RNF216: variants seen among roughly 807,000 people sequenced by gnomAD.
The protein encoded by RNF216 is E3 ubiquitin-protein ligase RNF216.
Under a neutral mutation model 110.8 loss-of-function variants are expected in RNF216, and 72 were observed. The ratio of observed to expected loss-of-function variants is 0.65; its 90% CI spans 0.54 to 0.79. The LOEUF is 0.79. Among genes scored for constraint, RNF216 ranks in the 30% least tolerant of loss-of-function variants. The pLI is 0.00. For missense variants in RNF216, 1,342 were observed against 1,141.2 expected (o/e 1.18, Z -2.54); for synonymous variants, 495 against 407.5 (o/e 1.21, Z -2.59).
At chr7:5,718,589 C>T (rs1402747578) in intron 9 of RNF216, among the ~76,000 whole-genome samples, 3 of 149,492 alleles carry the variant, frequency 2.0e-5, no homozygotes, top group Non-Finnish European at 4.4e-5. Flanking sequence ...CTTTGTTGCC[C>T]AGGCTGGAGT....
At chr7:5,650,337 A>G (rs1350158137) in intron 14 of RNF216, among the ~76,000 whole-genome samples, 1 of 152,198 alleles carries the variant, frequency 6.6e-6, no homozygotes, top group Non-Finnish European at 1.5e-5. Flanking sequence ...TGTGTGGCAG[A>G]CCAAGACGCT....
intron 16 of RNF216, 121 bp from the exon 17 acceptor site, chr7:5,623,300 A>G: frequency 1.3e-6 from 1 of 772,008 alleles, no homozygotes. Flanking sequence ...TCAAAGCACA[A>G]AACGTGGACA....
intron 14 of RNF216, among the ~76,000 whole-genome samples, chr7:5,643,897 G>A (rs1269022092): frequency 6.6e-6 from 1 of 152,154 alleles, no homozygotes; most frequent in Non-Finnish European, 1.5e-5. Context: ...CCATTCTGAG[G>A]CTAGGCAAAT....
chr7:5,753,384 G>C (rs1035226017), intron 2 of RNF216, among the ~76,000 whole-genome samples: 1 of 152,070 alleles, frequency 6.6e-6, no homozygotes, highest in Admixed American at 6.6e-5. Flanking sequence ...TCAAAAAATA[G>C]TAAAATTTTA....
At chr7:5,675,200 T>C (rs555061680) in intron 13 of RNF216, among the ~76,000 whole-genome samples, 16 of 152,242 alleles carry the variant, frequency 1.1e-4, no homozygotes, top group Middle Eastern at 3.2e-3. Flanking sequence ...GTCTGTTGTA[T>C]GCTAGTTACT....
intron 13 of RNF216, among the ~76,000 whole-genome samples, chr7:5,687,602 C>A (rs753760347): frequency 6.6e-6 from 1 of 152,050 alleles, no homozygotes; most frequent in African/African-American, 2.4e-5. Context: ...AGCCTCTCTG[C>A]CTGCCCCTTG....
intron 15 of RNF216, among the ~76,000 whole-genome samples, chr7:5,633,683 G>T (rs536930200): frequency 6.6e-6 from 1 of 152,282 alleles, no homozygotes; most frequent in East Asian, 1.9e-4. Flanking sequence ...TCAGCAGGGC[G>T]CAGAAAGAAC....
At chr7:5,770,932 A>G (rs746536249) in intron 1 of RNF216, among the ~76,000 whole-genome samples, 8 of 151,696 alleles carry the variant, frequency 5.3e-5, no homozygotes, top group Non-Finnish European at 1.2e-4. Flanking sequence ...TTCAGCCTCC[A>G]GAGTTGCTGG....
intron 13 of RNF216, among the ~76,000 whole-genome samples, chr7:5,708,239 T>C (rs1792425551): frequency 6.6e-6 from 1 of 152,258 alleles, no homozygotes; most frequent in Admixed American, 6.5e-5. Flanking sequence ...ATATTTTGTA[T>C]GTGTCTGTTA....
At position 5,686,376 on chromosome 7, in the gene RNF216, A is replaced by C. The variant is rs563604607; in HGVS notation, c.2061+25385T>G. Among the ~76,000 whole-genome samples the C allele has an allele frequency of 8.5e-5, 13 of 152,228 alleles. No homozygotes were observed. In the East Asian group the frequency reaches 2.5e-3, roughly 29 times the overall value. On this transcript the variant is annotated intron_variant, in intron 13 of 16. Transcript: ENST00000389902. Reference sequence around the variant, plus strand: ...CATTTGCTTCTCACAACCACCCTGAAGGGGGCTGGGACAGAAAACAGGATC... The same window carrying C: ...CATTTGCTTCTCACAACCACCCTGACGGGGGCTGGGACAGAAAACAGGATC...
intron 3 of RNF216, among the ~76,000 whole-genome samples, chr7:5,747,972 C>G (rs1290407490): frequency 6.6e-6 from 1 of 151,922 alleles, no homozygotes; most frequent in Admixed American, 6.6e-5. Flanking sequence ...AAACAAAAAT[C>G]ACCTATGAGG....
chr7:5,757,539 A>G (rs1362981016), intron 2 of RNF216, among the ~76,000 whole-genome samples: 1 of 152,226 alleles, frequency 6.6e-6, no homozygotes, highest in Non-Finnish European at 1.5e-5. Context: ...ATGAGTAGGT[A>G]AAAACACTAT....
Position 5,725,423 on chromosome 7 carries a change from T to C in RNF216, c.1405A>G (p.Ile469Val), listed in dbSNP as rs1225278715. 6.2e-7 allele frequency: 1 copy of C among 1,610,536 alleles called. No homozygotes were observed. Among genetic ancestry groups the C allele is most frequent in the South Asian group, 1.1e-5 (1 of 90,984 alleles). ...AITRKALSDA[I>V]KKWQELSPET... The stretch of plus-strand genomic sequence containing the variant: ...GGTGACAGCTCCTGCCATTTTTTAA[T>C]GGCATCAGACAAGGCCTAAAAATTG... The change falls in exon 8 of 17, where the codon ATT becomes GTT. Residue 469 changes from isoleucine to valine, a missense_variant. Coordinates refer to ENST00000389902, the MANE Select transcript of RNF216 (RefSeq NM_207111.4).
chr7:5,778,540 A>T (rs773954480), intron 1 of RNF216, among the ~76,000 whole-genome samples: 7 of 152,178 alleles, frequency 4.6e-5, no homozygotes, highest in Non-Finnish European at 8.8e-5. Context: ...GTGTCACTTG[A>T]TCCCAAAGCC....
At chr7:5,684,388 C>T (rs956537467) in intron 13 of RNF216, among the ~76,000 whole-genome samples, 4 of 151,174 alleles carry the variant, frequency 2.6e-5, no homozygotes, top group Non-Finnish European at 4.4e-5. Context: ...ATTACAGGTG[C>T]GAGCCACTGC....
Position 5,731,005 on chromosome 7 carries a change from T to G in RNF216, c.1122-188A>C, listed in dbSNP as rs1445036162. 4.3e-4 allele frequency among the ~76,000 whole-genome samples: 66 copies of G among 152,238 alleles called. 1 individual carries two copies. Among genetic ancestry groups the G allele is most frequent in the Non-Finnish European group, 3.2e-4 (22 of 68,042 alleles). On this transcript the variant is annotated intron_variant, in intron 5 of 16. Coordinates refer to ENST00000389902, the MANE Select transcript of RNF216 (RefSeq NM_207111.4). ...AACAACTGCACTGAATTTCTATCTTTGTGAAAGACAAAAAAATTTAAAAAG... is the reference window on the plus strand; with the variant it reads ...AACAACTGCACTGAATTTCTATCTTGGTGAAAGACAAAAAAATTTAAAAAG...
intron 13 of RNF216, among the ~76,000 whole-genome samples, chr7:5,670,715 G>A (rs975502588): frequency 2.6e-5 from 4 of 152,140 alleles, no homozygotes; most frequent in South Asian, 2.1e-4. Flanking sequence ...ACTGGGTCTC[G>A]TAACACAGTA....
chr7:5,651,575 T>A (rs1360938709), intron 14 of RNF216, among the ~76,000 whole-genome samples: 2 of 152,042 alleles, frequency 1.3e-5, no homozygotes, highest in East Asian at 3.9e-4. Flanking sequence ...ATATGCACCC[T>A]CAGCTGCATG....
At position 5,763,415 on chromosome 7, in the gene RNF216, G is replaced by A. The variant is rs948670488; in HGVS notation, c.-69-2277C>T. Reference sequence around the variant, plus strand: ...AGAGGCTGAGGAGGGCAGATCATTTGAGGTCAGGAGTTTGATACTAGCCGG... The same window carrying A: ...AGAGGCTGAGGAGGGCAGATCATTTAAGGTCAGGAGTTTGATACTAGCCGG... On this transcript the variant is annotated intron_variant, in intron 1 of 16. Coordinates refer to ENST00000389902, the MANE Select transcript of RNF216 (RefSeq NM_207111.4). Among the ~76,000 whole-genome samples the A allele has an allele frequency of 2.6e-4, 40 of 152,142 alleles. 1 individual carries two copies. The highest frequency in any genetic ancestry group is 1.5e-5 in the Non-Finnish European group (1 of 68,030).
Sources: gnomAD v4.1 joint callset for allele counts (sites outside exome capture counted in the v4.1 genomes callset) on GRCh38, gnomAD v4.1.1 for gene constraint, MANE v1.5 for transcripts, NCBI Gene and HGNC (gene_info 2026-07-23, HGNC 2026-07-21) for gene names.